Variants in RPSA2 observed in about 807,000 individuals in gnomAD.
RPSA2 encodes the protein small ribosomal subunit protein uS2B.
At chr19:23,834,027 G>C in the RPSA2 span, among the ~76,000 whole-genome samples, 1 of 151,990 alleles carries the variant, frequency 6.6e-6, no homozygotes, top group Non-Finnish European at 1.5e-5. Flanking sequence ...TTTTGCAGGT[G>C]CAGTAAAGAT....
chr19:23,806,599 C>T, the RPSA2 span, among the ~76,000 whole-genome samples: 1 of 151,456 alleles, frequency 6.6e-6, no homozygotes, highest in African/African-American at 2.4e-5. Flanking sequence ...TCCTGGCTAC[C>T]ACGGTGAAAC....
the RPSA2 span, among the ~76,000 whole-genome samples, chr19:23,839,297 G>A: frequency 6.6e-6 from 1 of 152,254 alleles, no homozygotes; most frequent in South Asian, 2.1e-4. Context: ...TGATCTGAGA[G>A]AGTTCTTGGT....
chr19:23,823,508 C>T, the RPSA2 span, among the ~76,000 whole-genome samples: 2 of 152,240 alleles, frequency 1.3e-5, no homozygotes, highest in South Asian at 2.1e-4. Flanking sequence ...GCATTGGTTC[C>T]TCCCAAAACC....
the RPSA2 span, among the ~76,000 whole-genome samples, chr19:23,865,928 A>T: frequency 6.6e-6 from 1 of 152,146 alleles, no homozygotes; most frequent in Non-Finnish European, 1.5e-5. Flanking sequence ...TGTGCCTTCC[A>T]CCTTTTGATG....
At chr19:23,860,302 C>A in the RPSA2 span, among the ~76,000 whole-genome samples, 1 of 152,180 alleles carries the variant, frequency 6.6e-6, no homozygotes, top group Non-Finnish European at 1.5e-5. Context: ...CTTGTCCTAC[C>A]CTGTCATCAA....
the RPSA2 span, among the ~76,000 whole-genome samples, chr19:23,801,815 T>G: frequency 3.3e-5 from 5 of 152,366 alleles, no homozygotes; most frequent in South Asian, 1.0e-3. Context: ...TCTTGAATAT[T>G]TCTTCTCAAG....
chr19:23,856,970 G>T, the RPSA2 span, among the ~76,000 whole-genome samples: 3 of 152,152 alleles, frequency 2.0e-5, no homozygotes, highest in Non-Finnish European at 4.4e-5. Flanking sequence ...CAGAGAACTG[G>T]TCTGACCAAA....
chr19:23,864,671 A>G, the RPSA2 span, among the ~76,000 whole-genome samples: 1 of 152,202 alleles, frequency 6.6e-6, no homozygotes, highest in Non-Finnish European at 1.5e-5. Flanking sequence ...AATTTTGGAT[A>G]TTCACAAGGT....
chr19:23,831,985 G>A, the RPSA2 span: 3 of 382,702 alleles, frequency 7.8e-6, no homozygotes, highest in African/African-American at 4.2e-5. Flanking sequence ...TAAAAAATGT[G>A]GAAAAACCTT....
chr19:23,857,776 T>G, the RPSA2 span, among the ~76,000 whole-genome samples: 1 of 152,110 alleles, frequency 6.6e-6, no homozygotes, highest in Non-Finnish European at 1.5e-5. Context: ...ATTGCAGGAG[T>G]GAGCCACTGC....
the RPSA2 span, among the ~76,000 whole-genome samples, chr19:23,807,075 C>T: frequency 1.3e-5 from 2 of 152,174 alleles, no homozygotes; most frequent in African/African-American, 4.8e-5. Context: ...AACTCTCTTA[C>T]AGATTTTTGC....
chr19:23,821,815 A>T, the RPSA2 span, among the ~76,000 whole-genome samples: 3 of 152,190 alleles, frequency 2.0e-5, no homozygotes, highest in Admixed American at 2.0e-4. Flanking sequence ...CCATGTGAAC[A>T]TTCGCGTCCC....
At chr19:23,790,053 G>A in the RPSA2 span, among the ~76,000 whole-genome samples, 1 of 152,124 alleles carries the variant, frequency 6.6e-6, no homozygotes, top group Non-Finnish European at 1.5e-5. Context: ...AGGCTGGAGT[G>A]CAGTGGCATG....
At chr19:23,835,780 C>A in the RPSA2 span, among the ~76,000 whole-genome samples, 8 of 151,712 alleles carry the variant, frequency 5.3e-5, no homozygotes, top group African/African-American at 1.9e-4. Flanking sequence ...ATTACATGTG[C>A]CCGCCACCAT....
chr19:23,766,888 A>G, the RPSA2 span, among the ~76,000 whole-genome samples: 1 of 151,820 alleles, frequency 6.6e-6, no homozygotes, highest in East Asian at 1.9e-4. Flanking sequence ...CGTCCTGAGT[A>G]GCTGGGATTA....
At chr19:23,805,671 G>GA in the RPSA2 span, among the ~76,000 whole-genome samples, 5 of 152,182 alleles carry the variant, frequency 3.3e-5, no homozygotes, top group South Asian at 8.3e-4. Context: ...AGGAGAAAGA[G>GA]AAAAAATGAC....
At chr19:23,810,713 G>T in the RPSA2 span, among the ~76,000 whole-genome samples, 8 of 152,148 alleles carry the variant, frequency 5.3e-5, no homozygotes, top group Admixed American at 5.2e-4. Context: ...AAAGGCCAAG[G>T]TCTGCAGGCC....
chr19:23,847,898 A>G, the RPSA2 span, among the ~76,000 whole-genome samples: 7 of 152,174 alleles, frequency 4.6e-5, no homozygotes, highest in African/African-American at 1.4e-4. Flanking sequence ...CTACTTGCAC[A>G]TCCATTTATA....
the RPSA2 span, among the ~76,000 whole-genome samples, chr19:23,866,308 A>T: frequency 1.4e-4 from 21 of 152,220 alleles, no homozygotes; most frequent in Non-Finnish European, 8.8e-5. Flanking sequence ...CTGCTGCAGA[A>T]ATGCTTACCA....
Sources: gnomAD v4.1 joint callset for allele counts (sites outside exome capture counted in the v4.1 genomes callset) on GRCh38, gnomAD v4.1.1 for gene constraint, MANE v1.5 for transcripts, NCBI Gene and HGNC (gene_info 2026-07-23, HGNC 2026-07-21) for gene names.